Variants in FAM228B observed in about 807,000 individuals in gnomAD.
The protein encoded by FAM228B is protein FAM228B.
A neutral mutation model predicts 42.6 loss-of-function variants in FAM228B; 38 were observed. The observed-to-expected ratio is 0.89, with a 90% confidence interval of 0.69 to 1.17. The LOEUF (loss-of-function observed/expected upper bound fraction) is 1.17. Ranked by LOEUF, FAM228B falls within the 50% of genes most tolerant of loss-of-function variation. FAM228B has a pLI of 0.00. For missense variants in FAM228B, 344 were observed against 367.3 expected (o/e 0.94, Z 0.52); for synonymous variants, 109 against 122.3 (o/e 0.89, Z 0.72).
rs777073947 is a variant in FAM228B at position 24,084,350 on chromosome 2, G to A, written c.-210+3395G>A. 1.3e-5 allele frequency: 18 copies of A among 1,399,394 alleles called. No individual in the cohort carries two copies. Among genetic ancestry groups the A allele is most frequent in the Middle Eastern group, 3.7e-4 (2 of 5,382 alleles). 86.7% of individuals were successfully genotyped at this position (1,399,394 alleles called of 1,614,324 possible). ...ATATTGTCTGAGGACACAGGGCAGG[G>A]CAGGGCAGGACAGGACAGGGCAGGG... On this transcript the variant is annotated intron_variant, in intron 2 of 10. Coordinates refer to the FAM228B transcript ENST00000613899. This position sits in a 1 kb window ranked among gnomAD's most constrained non-coding sequence, Gnocchi z 8.4.
intron 3 of FAM228B, among the ~76,000 whole-genome samples, chr2:24,106,838 G>T (rs1665709088): frequency 6.6e-6 from 1 of 151,828 alleles, no homozygotes; most frequent in South Asian, 2.1e-4. Context: ...CACTTAAGTA[G>T]ACAGACTAGT....
chr2:24,154,046 T>C (rs1667078766), intron 7 of FAM228B, among the ~76,000 whole-genome samples: 1 of 152,206 alleles, frequency 6.6e-6, no homozygotes, highest in African/African-American at 2.4e-5. Context: ...GTACAAACTC[T>C]CTCTCTGTAC....
At chr2:24,119,534 A>G (rs1666028723), upstream of FAM228B, 1 of 1,456,796 alleles carries the variant, frequency 6.9e-7, no homozygotes, top group Non-Finnish European at 9.6e-7. Flanking sequence ...GGAAGACCCA[A>G]CTAACATAGG....
rs1382474363 is a variant in FAM228B, at chr2:24,147,054, A to G, written c.654A>G (p.Arg218=). The G allele has an allele frequency of 6.4e-7, 1 of 1,550,986 alleles. No individual in the cohort carries two copies. The highest frequency in any genetic ancestry group is 2.4e-5 in the East Asian group (1 of 40,872). The change falls in exon 7 of 11, where the codon AGA becomes AGG. Residue 218 remains arginine, a synonymous_variant. Coordinates refer to ENST00000615575, the MANE Select transcript of FAM228B (RefSeq NM_001145710.2). ...TPNEWLKLPT[R]YIESEFCRRR... ...ACGAGTGGCTGAAACTGCCTACAAG[A>G]TACATAGAAAGTGAATTTTGTAGAA...
intron 1 of FAM228B, chr2:24,079,235 C>G (rs1329113309): frequency 1.8e-6 from 1 of 568,602 alleles, no homozygotes; most frequent in Admixed American, 3.0e-5. Flanking sequence ...GAAGTATCAG[C>G]TACACTTCTT....
chr2:24,087,614 TTTG>T (rs894558055), intron 2 of FAM228B, among the ~76,000 whole-genome samples: 4 of 151,860 alleles, frequency 2.6e-5, no homozygotes, highest in African/African-American at 4.8e-5. Flanking sequence ...AGAATTCTTT[TTTG>T]TTGTTGTTGT....
intron 3 of FAM228B, among the ~76,000 whole-genome samples, 167 bp downstream of exon 3, chr2:24,135,354 AT>A (rs1666554515): frequency 6.6e-6 from 1 of 152,202 alleles, no homozygotes; most frequent in Non-Finnish European, 1.5e-5. Flanking sequence ...AATTGCTCTA[AT>A]GGACTTCCTC....
chr2:24,141,580 A>G (rs1036778126), intron 5 of FAM228B, among the ~76,000 whole-genome samples: 16 of 149,266 alleles, frequency 1.1e-4, no homozygotes, highest in African/African-American at 3.0e-4. Context: ...GGGTTTCACC[A>G]TGTTGATCAG....
chr2:24,129,272 G>A (rs192021146), intron 2 of FAM228B, among the ~76,000 whole-genome samples: 4 of 151,086 alleles, frequency 2.6e-5, no homozygotes, highest in African/African-American at 7.3e-5. Context: ...CCTGATGTTC[G>A]ATATCTTGGA....
chr2:24,142,330 C>T (rs1046471711), intron 5 of FAM228B, among the ~76,000 whole-genome samples: 7 of 152,228 alleles, frequency 4.6e-5, no homozygotes. Context: ...CCCTCTCTAT[C>T]TTCCTTTCCT....
upstream of FAM228B, chr2:24,123,440 G>T (rs1666192679): frequency 6.6e-6 from 1 of 152,154 alleles, no homozygotes; most frequent in Non-Finnish European, 1.5e-5. Flanking sequence ...GCCTGAAGCC[G>T]TCCTCCGCCG....
At chr2:24,126,705 G>A (rs532045029) in intron 2 of FAM228B, among the ~76,000 whole-genome samples, 24 of 150,816 alleles carry the variant, frequency 1.6e-4, no homozygotes, top group Non-Finnish European at 2.7e-4. Flanking sequence ...CTGCCTCCCC[G>A]GTTCACGCCA....
chr2:24,154,309 T>A (rs543772702), intron 7 of FAM228B, among the ~76,000 whole-genome samples: 12 of 152,378 alleles, frequency 7.9e-5, no homozygotes, highest in African/African-American at 2.6e-4. Context: ...TCTTTTCATA[T>A]GTTTCTTTGC....
rs994796966 is a variant in FAM228B, at chr2:24,084,301, G to A, written c.-210+3346G>A. 2.5e-6 allele frequency: 4 copies of A among 1,614,034 alleles called. No individual in the cohort carries two copies. Among genetic ancestry groups the A allele is most frequent in the Admixed American group, 1.7e-5 (1 of 60,022 alleles). On this transcript the variant is annotated intron_variant, in intron 2 of 10. Coordinates refer to the FAM228B transcript ENST00000613899. This position sits in a 1 kb window ranked among gnomAD's most constrained non-coding sequence, Gnocchi z 8.4. ...CACGTAGAGGTTTTCCGGTCCTCCC[G>A]GCTTGTCAAAGTGCACGGCTAACAT...
chr2:24,079,593 C>G, intron 1 of FAM228B: 7 of 1,614,136 alleles, frequency 4.3e-6, no homozygotes, highest in Non-Finnish European at 5.9e-6. Context: ...ACGTTCTTCT[C>G]CCAGTAGGAT....
At chr2:24,133,176 G>A (rs1666496968) in intron 2 of FAM228B, among the ~76,000 whole-genome samples, 1 of 151,948 alleles carries the variant, frequency 6.6e-6, no homozygotes, top group African/African-American at 2.4e-5. Context: ...AATTCATCTA[G>A]TGCTGTTTTT....
At chr2:24,131,412 T>G (rs1299240805) in intron 2 of FAM228B, among the ~76,000 whole-genome samples, 1 of 152,156 alleles carries the variant, frequency 6.6e-6, no homozygotes, top group Admixed American at 6.5e-5. Flanking sequence ...TATAAATTAC[T>G]TTGGGTAGTG....
At chr2:24,132,590 G>A (rs1326302047) in intron 2 of FAM228B, among the ~76,000 whole-genome samples, 1 of 146,818 alleles carries the variant, frequency 6.8e-6, no homozygotes, top group Admixed American at 7.0e-5. Context: ...GGGTGTATGT[G>A]TCCAGGAATT....
chr2:24,139,344 T>G lies in FAM228B; in HGVS notation c.361-26T>G, dbSNP rs147808354. 28 of 1,362,902 alleles carry G rather than the reference T, an allele frequency of 2.1e-5. No homozygotes were observed. In the East Asian group the frequency reaches 6.8e-4, roughly 33 times the overall value. 84.4% of individuals were successfully genotyped at this position (1,362,902 alleles called of 1,614,324 possible). A position where few individuals can be genotyped will look rare whatever the true frequency, so the allele number is the denominator to read the frequency against. ...ATTAACTGTGCACCTCTTGTTCTTG[T>G]GTATCGTTTTATTTCCTTGCTATAG... On this transcript the variant is annotated intron_variant, in intron 4 of 10. Transcript: ENST00000615575.
Sources: gnomAD v4.1 joint callset for allele counts (sites outside exome capture counted in the v4.1 genomes callset) on GRCh38, gnomAD v4.1.1 for gene constraint, Gnocchi (gnomAD v3.1) non-coding constraint, MANE v1.5 for transcripts, NCBI Gene and HGNC (gene_info 2026-07-23, HGNC 2026-07-21) for gene names.